HEMK1: variants seen among roughly 807,000 people sequenced by gnomAD.
The protein encoded by HEMK1 is HemK methyltransferase 1, mitochondrial release factors N(5)-glutamine, also known as MTRF1L release factor glutamine methyltransferase.
HEMK1 carries 36 observed loss-of-function variants against 47.9 expected under a neutral mutation model. That is an observed-to-expected ratio of 0.75 (90% CI 0.58 to 0.99). The LOEUF (loss-of-function observed/expected upper bound fraction) is 0.99, where lower values mean the gene tolerates loss of function less well. Among genes scored for constraint, HEMK1 ranks in the 50% least tolerant of loss-of-function variants. The pLI, the probability that HEMK1 is intolerant of heterozygous loss-of-function variation, is 0.00. For synonymous variants in HEMK1, 153 were observed against 165.4 expected, an observed-to-expected ratio of 0.93 and a Z score of 0.57; for missense variants, 383 against 434.5, an observed-to-expected ratio of 0.88 and a Z score of 1.05.
chr3:50,571,724 G>A lies in HEMK1; in HGVS notation c.243G>A (p.Arg81=). ...VLGAKTFQSL[R]PALWTQPLTS... The stretch of plus-strand genomic sequence containing the variant: ...TGTGGGGACAGTTTCAGAGCCTGAG[G>A]CCGGCACTTTGGACCCAGCCCTTGA... The change falls in exon 3 of 11, where the codon AGG becomes AGA. Residue 81 remains arginine, a synonymous_variant. Transcript: ENST00000232854. 1 of 1,614,188 alleles carries A rather than the reference G, an allele frequency of 6.2e-7. No individual in the cohort carries two copies. The highest frequency in any genetic ancestry group is 1.1e-5 in the South Asian group (1 of 91,090).
rs1403826670 is a variant in HEMK1 at position 50,594,525 on chromosome 3, C to G, written c.*14108C>G. The G allele has an allele frequency of 2.6e-5, 4 of 152,338 alleles. No homozygotes were observed. Among genetic ancestry groups the G allele is most frequent in the Non-Finnish European group, 5.9e-5 (4 of 68,102 alleles). The allele number at this position is 152,338 out of a possible 1,614,324, so 9.4% of individuals were successfully genotyped here. A position where few individuals can be genotyped will look rare whatever the true frequency, so the allele number is the denominator to read the frequency against. On this transcript the variant is annotated 3_prime_UTR_variant, in exon 11 of 11. Transcript: ENST00000232854. ...TATTCAGGCAGGCCCCCATCACAGT[C>G]TGGTGGGGTCCAAGCAGTTCACATC...
At chr3:50,578,643 A>G (rs2030202907) in intron 7 of HEMK1, among the ~76,000 whole-genome samples, 178 bp from the exon 8 acceptor site, 1 of 152,234 alleles carries the variant, frequency 6.6e-6, no homozygotes, top group Non-Finnish European at 1.5e-5. Context: ...AAGCATGCAC[A>G]TTCCCCACCA....
chr3:50,577,557 CATGAGA>C lies in HEMK1; in HGVS notation c.602_607del (p.Glu201_Asn202del). ...GCGGGAAGCTGCTATCTCTCTGACC[CATGAGA>C]ATGCTCAGAGGTAGGTGGGGGAGTT... is the stretch of plus-strand genomic sequence containing the variant. On this transcript the variant is annotated inframe_deletion, in exon 6 of 11. Coordinates refer to ENST00000232854, the MANE Select transcript of HEMK1 (RefSeq NM_016173.5). The C allele has an allele frequency of 6.2e-7, 1 of 1,614,004 alleles. No homozygotes were observed. Among genetic ancestry groups the C allele is most frequent in the Non-Finnish European group, 8.5e-7 (1 of 1,179,896 alleles).
Position 50,592,763 on chromosome 3 carries a change from C to G in HEMK1, c.*12346C>G, listed in dbSNP as rs1435620885. The G allele has an allele frequency of 6.6e-6, 1 of 152,458 alleles. No homozygotes were observed. Among genetic ancestry groups the G allele is most frequent in the Non-Finnish European group, 1.5e-5 (1 of 68,168 alleles). 9.4% of individuals were successfully genotyped at this position (152,458 alleles called of 1,614,324 possible). On this transcript the variant is annotated 3_prime_UTR_variant, in exon 11 of 11. Transcript: ENST00000232854. ...ACCACCTGCCCCCAACCCTACTTCT[C>G]CTCCGAAGGCCCAACAAGGTCCTGT...
intron 1 of HEMK1, chr3:50,570,033 G>C (rs560090601): frequency 1.3e-5 from 2 of 152,250 alleles, no homozygotes; most frequent in African/African-American, 4.8e-5. Context: ...GTAGAGACAG[G>C]GTTTCACCAT....
rs2031690865 is a variant in HEMK1 at position 50,590,960 on chromosome 3, G to A, written c.*10543G>A. On this transcript the variant is annotated 3_prime_UTR_variant, in exon 11 of 11. Coordinates refer to ENST00000232854, the MANE Select transcript of HEMK1 (RefSeq NM_016173.5). ...CTGTGCTTTGGAAAGAGAGAAATGA[G>A]AAGCAAAACCCTAGGGCCCCAGTAT... The A allele has an allele frequency of 6.6e-6, 1 of 152,220 alleles. No homozygotes were observed. The highest frequency in any genetic ancestry group is 2.4e-5 in the African/African-American group (1 of 41,434). 9.4% of individuals were successfully genotyped at this position (152,220 alleles called of 1,614,324 possible).
In HEMK1 at chr3:50,592,093, T is replaced by C. The variant is rs1466217948; in HGVS notation, c.*11676T>C. Reference sequence around the variant, plus strand: ...TCCAGCCTGGACGACAGAGTGAGACTCCGCATCAGAAAAAAAAAAAAAAGA... The same window carrying C: ...TCCAGCCTGGACGACAGAGTGAGACCCCGCATCAGAAAAAAAAAAAAAAGA... On this transcript the variant is annotated 3_prime_UTR_variant, in exon 11 of 11. Coordinates refer to ENST00000232854, the MANE Select transcript of HEMK1 (RefSeq NM_016173.5). 2 of 139,346 alleles carry C rather than the reference T, an allele frequency of 1.4e-5. No individual in the cohort carries two copies. The highest frequency in any genetic ancestry group is 3.1e-5 in the Non-Finnish European group (2 of 65,552). 8.6% of individuals were successfully genotyped at this position (139,346 alleles called of 1,614,324 possible).
intron 4 of HEMK1, among the ~76,000 whole-genome samples, chr3:50,575,078 G>A (rs543880572): frequency 6.6e-6 from 1 of 152,210 alleles, no homozygotes; most frequent in African/African-American, 2.4e-5. Context: ...GAGACCTGGG[G>A]GTGTGAGACT....
chr3:50,572,784 G>A (rs566497677), intron 4 of HEMK1, among the ~76,000 whole-genome samples: 13 of 152,236 alleles, frequency 8.5e-5, no homozygotes, highest in Non-Finnish European at 1.8e-4. Context: ...GATGTGTGGC[G>A]CAAGTGTGTT....
intron 7 of HEMK1, 56 bp from the exon 8 acceptor site, chr3:50,578,765 A>G: frequency 8.5e-7 from 1 of 1,180,976 alleles, no homozygotes; most frequent in Non-Finnish European, 1.2e-6. Context: ...TGGAGCTATC[A>G]TCCTTTACCT....
rs1575973297 is a variant in HEMK1 at position 50,590,573 on chromosome 3, T to C, written c.*10156T>C. Reference sequence around the variant, plus strand: ...TTTCAAAAAAAAAAAAGAGGAAGAGTGAAAGGATGGACGAAAGGAACTCCT... The same window carrying C: ...TTTCAAAAAAAAAAAAGAGGAAGAGCGAAAGGATGGACGAAAGGAACTCCT... On this transcript the variant is annotated 3_prime_UTR_variant, in exon 11 of 11. Coordinates refer to ENST00000232854, the MANE Select transcript of HEMK1 (RefSeq NM_016173.5). 1 of 145,828 alleles carries C rather than the reference T, an allele frequency of 6.9e-6. No homozygotes were observed. The highest frequency in any genetic ancestry group is 2.2e-4 in the South Asian group (1 of 4,630). 9.0% of individuals were successfully genotyped at this position (145,828 alleles called of 1,614,324 possible).
rs1014609844 is a variant in HEMK1, at chr3:50,590,049, G to C, written c.*9632G>C. ...AAAATACAAAAATTAGCTGGGTGTGGTGGTGGACACCTGTAATCCCAGCTA... is the reference window on the plus strand; with the variant it reads ...AAAATACAAAAATTAGCTGGGTGTGCTGGTGGACACCTGTAATCCCAGCTA... On this transcript the variant is annotated 3_prime_UTR_variant, in exon 11 of 11. Transcript: ENST00000232854. The C allele has an allele frequency of 6.6e-6, 1 of 151,580 alleles. No homozygotes were observed. The highest frequency in any genetic ancestry group is 1.5e-5 in the Non-Finnish European group (1 of 67,980). The allele number at this position is 151,580 out of a possible 1,614,324, so 9.4% of individuals were successfully genotyped here. A position where few individuals can be genotyped will look rare whatever the true frequency, so the allele number is the denominator to read the frequency against.
chr3:50,578,323 C>T (rs953996317), intron 7 of HEMK1, among the ~76,000 whole-genome samples: 1 of 152,204 alleles, frequency 6.6e-6, no homozygotes, highest in Admixed American at 6.5e-5. Flanking sequence ...GCTCCATTGC[C>T]TTACCCGTGG....
chr3:50,577,967 C>T (rs1334847539), intron 7 of HEMK1, 92 bp downstream of exon 7: 1 of 1,115,990 alleles, frequency 9.0e-7, no homozygotes, highest in East Asian at 2.4e-5. Flanking sequence ...AGGGAGAGCT[C>T]CCCCAACAGC....
Position 50,571,692 on chromosome 3 carries a change from T to A in HEMK1, c.229-18T>A, listed in dbSNP as rs636168. The A allele has an allele frequency of 6.2e-7, 1 of 1,613,594 alleles. No homozygotes were observed. The highest frequency in any genetic ancestry group is 1.7e-5 in the Admixed American group (1 of 60,030). Reference sequence around the variant, plus strand: ...TTGGGCCCAGTGAGCCAGCCACTTATATTCTCTGTGGGGACAGTTTCAGAG... The same window carrying A: ...TTGGGCCCAGTGAGCCAGCCACTTAAATTCTCTGTGGGGACAGTTTCAGAG... On this transcript the variant is annotated intron_variant, in intron 2 of 10. Transcript: ENST00000232854.
At chr3:50,577,280 G>A in intron 5 of HEMK1, 94 bp downstream of exon 5, 8 of 1,440,414 alleles carry the variant, frequency 5.6e-6, no homozygotes, top group Non-Finnish European at 7.6e-6. Context: ...AGGAGCGCTT[G>A]AGGGGAAGCA....
chr3:50,572,142 G>A lies in HEMK1; in HGVS notation c.348G>A (p.Glu116=), dbSNP rs750195116. The A allele has an allele frequency of 1.9e-6, 3 of 1,614,002 alleles. No homozygotes were observed. The highest frequency in any genetic ancestry group is 8.5e-7 in the Non-Finnish European group (1 of 1,179,972). ...TGCCGGTGCAGTACATCCTTGGAGA[G>A]TGGGACTTCCAGGGGCTCAGCCTAA... is the stretch of plus-strand genomic sequence containing the variant. The part of the protein sequence containing the change: ...QRMPVQYILG[E]WDFQGLSLRM... Residue 116 remains glutamate (E), a synonymous_variant, in exon 4 of 11, where the codon GAG becomes GAA. Transcript: ENST00000232854.
chr3:50,571,689 T>A, intron 2 of HEMK1, 21 bp from the exon 3 acceptor site: 1 of 1,612,932 alleles, frequency 6.2e-7, no homozygotes, highest in Non-Finnish European at 8.5e-7. Context: ...AGCCAGCCAC[T>A]TATATTCTCT....
chr3:50,570,910 C>T, intron 1 of HEMK1, 21 bp from the exon 2 acceptor site: 2 of 485,202 alleles, frequency 4.1e-6, no homozygotes, highest in East Asian at 3.4e-5. Context: ...CACCTGCTTT[C>T]CTGGTTCCTC....
Sources: allele counts gnomAD v4.1 joint callset (sites outside exome capture counted in the v4.1 genomes callset), GRCh38; gene constraint gnomAD v4.1.1; transcripts MANE v1.5; gene names NCBI Gene and HGNC (gene_info 2026-07-23, HGNC 2026-07-21).